The following POU4F1 variants were observed in gnomAD, a reference collection of about 807,000 sequenced individuals.
POU4F1 encodes the protein POU class 4 homeobox 1.
Under a neutral mutation model 19.8 loss-of-function variants are expected in POU4F1, and 5 were observed. The observed-to-expected ratio is 0.25, with a 90% CI of 0.13 to 0.53. POU4F1 has a LOEUF of 0.53. POU4F1 is among the 20% of genes least tolerant of loss of function. The probability of loss-of-function intolerance (pLI) is 0.96; values close to 1 mark genes in which losing one functional copy is unlikely to be tolerated. For missense variants in POU4F1, 408 were observed against 511.6 expected (o/e 0.80, Z 1.95); for synonymous variants, 266 against 247.7 (o/e 1.07, Z -0.69).
Position 78,599,735 on chromosome 13 carries a change from A to G in POU4F1, c.*1680T>C, listed in dbSNP as rs1426714374. ...TTGTTCTGTTTTCAATGTTTTAGTT[A>G]TGATTAAAGGATGGTAACAAACCAT... On this transcript the variant is annotated 3_prime_UTR_variant, in exon 2 of 2. Coordinates refer to ENST00000377208, the MANE Select transcript of POU4F1 (RefSeq NM_006237.4). The G allele has an allele frequency of 6.6e-6, 1 of 152,286 alleles. No individual in the cohort carries two copies. Among genetic ancestry groups the G allele is most frequent in the South Asian group, 2.1e-4 (1 of 4,822 alleles). The allele number at this position is 152,286 out of a possible 1,614,324, so 9.4% of individuals were successfully genotyped here.
Position 78,598,799 on chromosome 13 carries a change from C to T in POU4F1, c.*2616G>A, listed in dbSNP as rs1874587263. 1 of 152,184 alleles carries T rather than the reference C, an allele frequency of 6.6e-6. No homozygotes were observed. Among genetic ancestry groups the T allele is most frequent in the Admixed American group, 6.5e-5 (1 of 15,276 alleles). 9.4% of individuals were successfully genotyped at this position (152,184 alleles called of 1,614,324 possible). ...TTAGGGTAGAATATCACATCTAAACCTCCAAATTCCTCTGTCCCTGACCCT... is the reference window on the plus strand; with the variant it reads ...TTAGGGTAGAATATCACATCTAAACTTCCAAATTCCTCTGTCCCTGACCCT... On this transcript the variant is annotated 3_prime_UTR_variant, in exon 2 of 2. Transcript: ENST00000377208.
rs1421471290 is a variant in POU4F1 at position 78,600,265 on chromosome 13, A to G, written c.*1150T>C. On this transcript the variant is annotated 3_prime_UTR_variant, in exon 2 of 2. Transcript: ENST00000377208. The stretch of plus-strand genomic sequence containing the variant: ...CTCTCCTAATAACTTTCACCCCATT[A>G]GTCTATTTGAATCAACAGGAAAAAT... The G allele has an allele frequency of 6.6e-6, 1 of 152,150 alleles. No individual in the cohort carries two copies. Among genetic ancestry groups the G allele is most frequent in the Non-Finnish European group, 1.5e-5 (1 of 68,022 alleles). 9.4% of individuals were successfully genotyped at this position (152,150 alleles called of 1,614,324 possible).
Position 78,602,193 on chromosome 13 carries a change from C to CCG in POU4F1, c.480_481dup (p.Gly161AlafsTer49). The CCG allele has an allele frequency of 3.4e-6, 1 of 291,206 alleles. No homozygotes were observed. Among genetic ancestry groups the CCG allele is most frequent in the Non-Finnish European group, 5.0e-6 (1 of 201,176 alleles). 18.0% of individuals were successfully genotyped at this position (291,206 alleles called of 1,614,324 possible). A position where few individuals can be genotyped will look rare whatever the true frequency, so the allele number is the denominator to read the frequency against. ...GCCACCGCCGCCTCCCCCGGGGCCG[C>CCG]CGCCCGGGCCGCCGCCGCCGCCCGG... On this transcript the variant is annotated frameshift_variant, in exon 2 of 2. Coordinates refer to ENST00000377208, the MANE Select transcript of POU4F1 (RefSeq NM_006237.4). LOFTEE classifies it high-confidence loss of function.
rs1263042557 is a variant in POU4F1, at chr13:78,599,545, TCA to T, written c.*1868_*1869del. ...CCAGAAAGCTAGCCCAGTTTAGTGC[TCA>T]GTTTCAAATGCATAGAATGTTTGCC... On this transcript the variant is annotated 3_prime_UTR_variant, in exon 2 of 2. Coordinates refer to ENST00000377208, the MANE Select transcript of POU4F1 (RefSeq NM_006237.4). The T allele has an allele frequency of 1.3e-5, 2 of 152,666 alleles. No homozygotes were observed. Among genetic ancestry groups the T allele is most frequent in the African/African-American group, 4.8e-5 (2 of 41,472 alleles). 9.5% of individuals were successfully genotyped at this position (152,666 alleles called of 1,614,324 possible).
At chr13:78,602,978 A>T (rs970629355) in intron 1 of POU4F1, among the ~76,000 whole-genome samples, 1 of 152,168 alleles carries the variant, frequency 6.6e-6, no homozygotes, top group Admixed American at 6.5e-5. Flanking sequence ...TCCTGGCCCC[A>T]GCGCTCCCTA....
At chr13:78,602,839 GAA>G (rs1322490523) in intron 1 of POU4F1, among the ~76,000 whole-genome samples, 2 of 151,968 alleles carry the variant, frequency 1.3e-5, no homozygotes, top group African/African-American at 4.8e-5. Context: ...CGTGGGAGAC[GAA>G]AAAGAGGGAA....
Position 78,601,844 on chromosome 13 carries a change from C to T in POU4F1, c.831G>A (p.Gln277=). 3.1e-6 allele frequency: 5 copies of T among 1,606,574 alleles called. No individual in the cohort carries two copies. The highest frequency in any genetic ancestry group is 4.2e-6 in the Non-Finnish European group (5 of 1,178,688). The change falls in exon 2 of 2, where the codon CAG becomes CAA. Residue 277 remains glutamine (Q), a synonymous_variant. Transcript: ENST00000377208. ...ELEAFAERFK[Q]RRIKLGVTQA... Reference sequence around the variant, plus strand: ...GCGTCACGCCCAGCTTGATGCGCCGCTGCTTGAAGCGCTCCGCGAACGCCT... The same window carrying T: ...GCGTCACGCCCAGCTTGATGCGCCGTTGCTTGAAGCGCTCCGCGAACGCCT...
Position 78,601,607 on chromosome 13 carries a change from C to A in POU4F1, c.1068G>T (p.Lys356Asn). Residue 356 changes from lysine (K) to asparagine (N), a missense_variant, in exon 2 of 2, where the codon AAG (lysine) becomes AAT (asparagine). Lys to Asn is a moderately conservative substitution (Grantham distance 94). Transcript: ENST00000377208. The stretch of plus-strand genomic sequence containing the variant: ...GCGCGGCGATGGAAGTCCGCTTGCG[C>A]TTCTTCTCGCCGCCGTTGAAGAGCT... Reference protein sequence around the residue: ...KPELFNGGEKKRKRTSIAAPE... With the variant: ...KPELFNGGEKNRKRTSIAAPE... The A allele has an allele frequency of 6.2e-7, 1 of 1,613,848 alleles. No homozygotes were observed. The highest frequency in any genetic ancestry group is 8.5e-7 in the Non-Finnish European group (1 of 1,180,014).
chr13:78,599,323 A>G lies in POU4F1; in HGVS notation c.*2092T>C, dbSNP rs985420598. 1 of 152,676 alleles carries G rather than the reference A, an allele frequency of 6.5e-6. No homozygotes were observed. Among genetic ancestry groups the G allele is most frequent in the African/African-American group, 2.4e-5 (1 of 41,454 alleles). The allele number at this position is 152,676 out of a possible 1,614,324, so 9.5% of individuals were successfully genotyped here. Reference sequence around the variant, plus strand: ...CAAGGAGAAAGCTCAGCAGACATACATGGACAGGTAGATCAATCCGTGAGA... The same window carrying G: ...CAAGGAGAAAGCTCAGCAGACATACGTGGACAGGTAGATCAATCCGTGAGA... On this transcript the variant is annotated 3_prime_UTR_variant, in exon 2 of 2. Transcript: ENST00000377208.
chr13:78,601,700 G>A lies in POU4F1; in HGVS notation c.975C>T (p.Leu325=). 1 of 1,613,952 alleles carries A rather than the reference G, an allele frequency of 6.2e-7. No homozygotes were observed. Among genetic ancestry groups the A allele is most frequent in the Non-Finnish European group, 8.5e-7 (1 of 1,179,966 alleles). The part of the protein sequence containing the change: ...LTLSHNNMIA[L]KPILQAWLEE... The stretch of plus-strand genomic sequence containing the variant: ...CGAGCCACGCCTGCAGGATGGGCTT[G>A]AGCGCGATCATGTTGTTGTGCGAGA... Residue 325 remains leucine (L), a synonymous_variant, in exon 2 of 2, where the codon CTC becomes CTT. Transcript: ENST00000377208.
chr13:78,603,446 G>T lies in POU4F1; in HGVS notation c.-120C>A. On this transcript the variant is annotated 5_prime_UTR_variant, in exon 1 of 2. Coordinates refer to ENST00000377208, the MANE Select transcript of POU4F1 (RefSeq NM_006237.4). ...CGCGGCGGTCGCGGCGGCTGGCGGC[G>T]GCCCCGCCGCGGGCTGCTGCTGCTG... 22 of 1,320,586 alleles carry T rather than the reference G, an allele frequency of 1.7e-5. No individual in the cohort carries two copies. The highest frequency in any genetic ancestry group is 2.1e-5 in the South Asian group (1 of 47,918). 81.8% of individuals were successfully genotyped at this position (1,320,586 alleles called of 1,614,324 possible).
At position 78,600,135 on chromosome 13, in the gene POU4F1, G is replaced by A. The variant is rs1232091978; in HGVS notation, c.*1280C>T. ...CAAGTCCTACCGCAAAAGAAAGCAGGAACTTCTCAACATTTCTATAATTTC... is the reference window on the plus strand; with the variant it reads ...CAAGTCCTACCGCAAAAGAAAGCAGAAACTTCTCAACATTTCTATAATTTC... On this transcript the variant is annotated 3_prime_UTR_variant, in exon 2 of 2. Transcript: ENST00000377208. The A allele has an allele frequency of 6.6e-6, 1 of 152,114 alleles. No homozygotes were observed. Among genetic ancestry groups the A allele is most frequent in the Non-Finnish European group, 1.5e-5 (1 of 68,034 alleles). The allele number at this position is 152,114 out of a possible 1,614,324, so 9.4% of individuals were successfully genotyped here. A position where few individuals can be genotyped will look rare whatever the true frequency, so the allele number is the denominator to read the frequency against.
rs774823950 is a variant in POU4F1, at chr13:78,598,733, T to C, written c.*2682A>G. 2.0e-5 allele frequency: 3 copies of C among 152,158 alleles called. No homozygotes were observed. Among genetic ancestry groups the C allele is most frequent in the Non-Finnish European group, 4.4e-5 (3 of 68,034 alleles). 9.4% of individuals were successfully genotyped at this position (152,158 alleles called of 1,614,324 possible). On this transcript the variant is annotated 3_prime_UTR_variant, in exon 2 of 2. Coordinates refer to ENST00000377208, the MANE Select transcript of POU4F1 (RefSeq NM_006237.4). ...GTGGCACACTAAATGTTTTAAAATG[T>C]ATTACCCTCCAAAGAAAAGCCATTC...
Position 78,603,451 on chromosome 13 carries a change from C to G in POU4F1, c.-125G>C, listed in dbSNP as rs1403130248. 1 of 1,302,050 alleles carries G rather than the reference C, an allele frequency of 7.7e-7. No individual in the cohort carries two copies. The highest frequency in any genetic ancestry group is 9.8e-7 in the Non-Finnish European group (1 of 1,023,174). The allele number at this position is 1,302,050 out of a possible 1,614,324, so 80.7% of individuals were successfully genotyped here. A position where few individuals can be genotyped will look rare whatever the true frequency, so the allele number is the denominator to read the frequency against. The stretch of plus-strand genomic sequence containing the variant: ...CGGTCGCGGCGGCTGGCGGCGGCCC[C>G]GCCGCGGGCTGCTGCTGCTGCTCCT... On this transcript the variant is annotated 5_prime_UTR_variant, in exon 1 of 2. Coordinates refer to ENST00000377208, the MANE Select transcript of POU4F1 (RefSeq NM_006237.4).
chr13:78,602,258 G>C lies in POU4F1; in HGVS notation c.417C>G (p.Gly139=). The change falls in exon 2 of 2, where the codon GGC becomes GGG. Residue 139 remains glycine, a synonymous_variant. Transcript: ENST00000377208. ...AGAGGAGAAA[G]GGGAHDGPGG... Reference sequence around the variant, plus strand: ...CCGGGCCGTCGTGGGCGCCGCCGCCGCCGGCCGCCGCGCCCGCGCCGCCCG... The same window carrying C: ...CCGGGCCGTCGTGGGCGCCGCCGCCCCCGGCCGCCGCGCCCGCGCCGCCCG... 1 of 1,031,740 alleles carries C rather than the reference G, an allele frequency of 9.7e-7. No homozygotes were observed. Among genetic ancestry groups the C allele is most frequent in the East Asian group, 7.2e-5 (1 of 13,820 alleles). 63.9% of individuals were successfully genotyped at this position (1,031,740 alleles called of 1,614,324 possible). A position where few individuals can be genotyped will look rare whatever the true frequency, so the allele number is the denominator to read the frequency against.
rs1874739188 is a variant in POU4F1, at chr13:78,602,216, C to T, written c.459G>A (p.Pro153=). 4.8e-6 allele frequency: 4 copies of T among 838,404 alleles called. No individual in the cohort carries two copies. Among genetic ancestry groups the T allele is most frequent in the African/African-American group, 1.9e-5 (1 of 52,670 alleles). 51.9% of individuals were successfully genotyped at this position (838,404 alleles called of 1,614,324 possible). A position where few individuals can be genotyped will look rare whatever the true frequency, so the allele number is the denominator to read the frequency against. ...CGCCGCCCGGGCCGCCGCCGCCGCC[C>T]GGGCCGCCACCGCCCCCCGGGCCGT... is the stretch of plus-strand genomic sequence containing the variant. The part of the protein sequence containing the change: ...AHDGPGGGGG[P]GGGGGPGGGP... The change falls in exon 2 of 2, where the codon CCG becomes CCA. Residue 153 remains proline, a synonymous_variant. Coordinates refer to ENST00000377208, the MANE Select transcript of POU4F1 (RefSeq NM_006237.4).
In POU4F1 at chr13:78,602,235, G is replaced by C; in HGVS notation, c.440C>G (p.Pro147Arg). The C allele has an allele frequency of 3.1e-6, 3 of 965,424 alleles. No individual in the cohort carries two copies. Among genetic ancestry groups the C allele is most frequent in the Non-Finnish European group, 2.5e-6 (2 of 816,092 alleles). 59.8% of individuals were successfully genotyped at this position (965,424 alleles called of 1,614,324 possible). A position where few individuals can be genotyped will look rare whatever the true frequency, so the allele number is the denominator to read the frequency against. The change falls in exon 2 of 2, where the codon CCG (proline) becomes CGG (arginine). Residue 147 changes from proline (P) to arginine (R), a missense_variant. Coordinates refer to ENST00000377208, the MANE Select transcript of POU4F1 (RefSeq NM_006237.4). ...GCCGCCCGGGCCGCCACCGCCCCCC[G>C]GGCCGTCGTGGGCGCCGCCGCCGCC... ...AAGGGGAHDG[P>R]GGGGGPGGGG...
Position 78,602,268 on chromosome 13 carries a change from G to A in POU4F1, c.407C>T (p.Ala136Val), listed in dbSNP as rs550817835. The change falls in exon 2 of 2, where the codon GCG becomes GTG. Residue 136 changes from alanine (A) to valine (V), a missense_variant. Ala to Val is a moderately conservative substitution (Grantham distance 64). Coordinates refer to ENST00000377208, the MANE Select transcript of POU4F1 (RefSeq NM_006237.4). The part of the protein sequence containing the change: ...ALMAGAGGAG[A>V]AAGGGGAHDG... The stretch of plus-strand genomic sequence containing the variant: ...GTGGGCGCCGCCGCCGCCGGCCGCC[G>A]CGCCCGCGCCGCCCGCGCCGGCCAT... 1.8e-6 allele frequency: 2 copies of A among 1,141,124 alleles called. No homozygotes were observed. Among genetic ancestry groups the A allele is most frequent in the Non-Finnish European group, 2.2e-6 (2 of 929,440 alleles). The allele number at this position is 1,141,124 out of a possible 1,614,324, so 70.7% of individuals were successfully genotyped here.
rs1283414117 is a variant in POU4F1, at chr13:78,599,422, C to A, written c.*1993G>T. On this transcript the variant is annotated 3_prime_UTR_variant, in exon 2 of 2. Coordinates refer to ENST00000377208, the MANE Select transcript of POU4F1 (RefSeq NM_006237.4). ...CATTAAATAAAATATTTACAATAATCTTTTTTCCTTTTTCTTTGAATACAA... is the reference window on the plus strand; with the variant it reads ...CATTAAATAAAATATTTACAATAATATTTTTTCCTTTTTCTTTGAATACAA... 2 of 152,546 alleles carry A rather than the reference C, an allele frequency of 1.3e-5. No individual in the cohort carries two copies. The highest frequency in any genetic ancestry group is 2.9e-5 in the Non-Finnish European group (2 of 68,014). The allele number at this position is 152,546 out of a possible 1,614,324, so 9.4% of individuals were successfully genotyped here.
Sources: allele counts gnomAD v4.1 joint callset (sites outside exome capture counted in the v4.1 genomes callset), GRCh38; gene constraint gnomAD v4.1.1; transcripts MANE v1.5; gene names NCBI Gene and HGNC (gene_info 2026-07-23, HGNC 2026-07-21).